C16orf87: variants seen among roughly 807,000 people sequenced by gnomAD.
C16orf87 encodes the protein UPF0547 protein C16orf87.
Under a neutral mutation model 21.0 loss-of-function variants are expected in C16orf87, and 13 were observed. The observed-to-expected ratio is 0.62, with a 90% CI of 0.40 to 0.98. C16orf87 has a LOEUF of 0.98. C16orf87 is among the 50% of genes least tolerant of loss of function. The pLI is 0.00. For missense variants in C16orf87, 113 were observed against 180.4 expected, an observed-to-expected ratio of 0.63 and a Z score of 2.14; for synonymous variants, 49 against 60.2, an observed-to-expected ratio of 0.81 and a Z score of 0.86.
rs368614294 is a variant in C16orf87 at position 46,825,937 on chromosome 16, A to G, written c.67-1455T>C. ...CTCAAAAAAAAAAAAAAAAAAAATT[A>G]TTATTAACTATAGTCCCCCTGTTGT... On this transcript the variant is annotated intron_variant, in intron 1 of 3. Transcript: ENST00000285697. Among the ~76,000 whole-genome samples, 62 of 150,592 alleles carry G rather than the reference A, an allele frequency of 4.1e-4. No homozygotes were observed. The East Asian group carries it at 5.1e-3, about 12-fold the overall frequency.
intron 1 of C16orf87, among the ~76,000 whole-genome samples, chr16:46,825,731 G>C (rs1052369747): frequency 6.6e-6 from 1 of 152,038 alleles, no homozygotes; most frequent in East Asian, 1.9e-4. Flanking sequence ...GACCAACATG[G>C]TGAAACCCCG....
intron 2 of C16orf87, among the ~76,000 whole-genome samples, chr16:46,810,470 A>G (rs773382450): frequency 3.3e-5 from 5 of 152,176 alleles, no homozygotes; most frequent in Non-Finnish European, 5.9e-5. Context: ...ATAAACTTAA[A>G]GAAAAAAACA....
Position 46,803,013 on chromosome 16 carries a change from A to T in C16orf87, c.404T>A (p.Val135Glu). Residue 135 changes from valine to glutamate, a missense_variant, in exon 4 of 4, where the codon GTG (valine) becomes GAG (glutamate). Val to Glu is a moderately radical substitution (Grantham distance 121). Transcript: ENST00000285697. Reference sequence around the variant, plus strand: ...TATTTCTGCCAAGGCGACTGAAAACACGAAAGCCTTTTCATCAGACAGGTT... The same window carrying T: ...TATTTCTGCCAAGGCGACTGAAAACTCGAAAGCCTTTTCATCAGACAGGTT... ...YANLSDEKAFVFSVALAEINR... is the reference protein window; with the variant it reads ...YANLSDEKAFEFSVALAEINR... The T allele has an allele frequency of 6.2e-7, 1 of 1,608,180 alleles. No individual in the cohort carries two copies. The highest frequency in any genetic ancestry group is 8.5e-7 in the Non-Finnish European group (1 of 1,175,842).
At position 46,817,898 on chromosome 16, in the gene C16orf87, A is replaced by G. The variant is rs141598317; in HGVS notation, c.163+6488T>C. Among the ~76,000 whole-genome samples the G allele has an allele frequency of 1.2e-4, 13 of 106,006 alleles. No homozygotes were observed. The East Asian group carries it at 3.8e-3, about 31-fold the overall frequency. The allele number at this position is 106,006 out of a possible 152,430, so 69.5% of individuals were successfully genotyped here. A position where few individuals can be genotyped will look rare whatever the true frequency, so the allele number is the denominator to read the frequency against. ...TACAGGCTCAGAGGTAAAGGTATGC[A>G]TTTTTTTCATCAAAAAGCAAAAAAA... On this transcript the variant is annotated intron_variant, in intron 2 of 3. Coordinates refer to ENST00000285697, the MANE Select transcript of C16orf87 (RefSeq NM_001001436.4).
intron 2 of C16orf87, among the ~76,000 whole-genome samples, chr16:46,819,700 C>T (rs1002277040): frequency 4.6e-5 from 7 of 151,964 alleles, no homozygotes; most frequent in Admixed American, 3.9e-4. Context: ...TTCCACCGGG[C>T]GCAGTGGCTC....
intron 3 of C16orf87, 102 bp from the exon 4 acceptor site, chr16:46,803,172 A>G (rs2143036073): frequency 1.7e-6 from 1 of 575,848 alleles, no homozygotes; most frequent in South Asian, 2.5e-5. Flanking sequence ...AGTATTATAT[A>G]TAATACTACA....
Position 46,831,176 on chromosome 16 carries a change from G to A in C16orf87, c.-27C>T. 1.3e-6 allele frequency: 2 copies of A among 1,545,722 alleles called. No homozygotes were observed. Among genetic ancestry groups the A allele is most frequent in the South Asian group, 2.3e-5 (2 of 85,364 alleles). On this transcript the variant is annotated 5_prime_UTR_variant, in exon 1 of 4. Coordinates refer to ENST00000285697, the MANE Select transcript of C16orf87 (RefSeq NM_001001436.4). ...CTCCTCTCCCTTAGCGGCGGCAGCA[G>A]CGACGGCTCGGGCTCCTCCCCTCAC...
chr16:46,806,666 A>G (rs868798108), intron 3 of C16orf87, among the ~76,000 whole-genome samples: 2 of 152,226 alleles, frequency 1.3e-5, no homozygotes, highest in Non-Finnish European at 2.9e-5. Flanking sequence ...TTATATATAA[A>G]ACGAAGACTT....
At chr16:46,804,625 T>G (rs1967871037) in intron 3 of C16orf87, among the ~76,000 whole-genome samples, 1 of 152,248 alleles carries the variant, frequency 6.6e-6, no homozygotes, top group Admixed American at 6.5e-5. Context: ...ATGATAAATT[T>G]ACATATAGTG....
At chr16:46,823,102 C>T (rs751566477) in intron 2 of C16orf87, among the ~76,000 whole-genome samples, 3 of 152,200 alleles carry the variant, frequency 2.0e-5, no homozygotes, top group African/African-American at 7.2e-5. Context: ...TGGCTAGCCC[C>T]TTCTATCCAC....
chr16:46,817,100 A>G (rs1567313095), intron 2 of C16orf87, among the ~76,000 whole-genome samples: 1 of 152,182 alleles, frequency 6.6e-6, no homozygotes, highest in Non-Finnish European at 1.5e-5. Flanking sequence ...ACATGATCCT[A>G]TAGGCATGCC....
chr16:46,831,126 T>G lies in C16orf87; in HGVS notation c.24A>C (p.Lys8Asn). 6.3e-7 allele frequency: 1 copy of G among 1,579,456 alleles called. No homozygotes were observed. Among genetic ancestry groups the G allele is most frequent in the Non-Finnish European group, 8.6e-7 (1 of 1,161,318 alleles). Residue 8 changes from lysine to asparagine, a missense_variant, in exon 1 of 4, where the codon AAA becomes AAC. Lys to Asn is a moderately conservative substitution (Grantham distance 94). Coordinates refer to ENST00000285697, the MANE Select transcript of C16orf87 (RefSeq NM_001001436.4). ...GGCATGATTTGGTGGCCATCTTCACTTTCTTGGCTCGAGTTGCAGACATGC... is the reference window on the plus strand; with the variant it reads ...GGCATGATTTGGTGGCCATCTTCACGTTCTTGGCTCGAGTTGCAGACATGC... MSATRAK[K>N]VKMATKSCPE...
intron 2 of C16orf87, among the ~76,000 whole-genome samples, chr16:46,821,260 G>A (rs1959403461): frequency 1.3e-5 from 2 of 152,168 alleles, no homozygotes; most frequent in Admixed American, 6.5e-5. Context: ...ACAAACAACA[G>A]TTGCTCATGG....
At chr16:46,829,338 T>C (rs1212584799) in intron 1 of C16orf87, among the ~76,000 whole-genome samples, 3 of 152,206 alleles carry the variant, frequency 2.0e-5, no homozygotes, top group Non-Finnish European at 4.4e-5. Flanking sequence ...AAAATGAATG[T>C]GATCTTTCCA....
chr16:46,817,880 T>G (rs1041206278), intron 2 of C16orf87, among the ~76,000 whole-genome samples: 39 of 113,934 alleles, frequency 3.4e-4, no homozygotes, highest in Non-Finnish European at 5.4e-4. Context: ...AAGTACAGGC[T>G]CAGAGGTAAA....
chr16:46,803,719 T>A (rs2143039213), intron 3 of C16orf87, among the ~76,000 whole-genome samples: 1 of 151,670 alleles, frequency 6.6e-6, no homozygotes, highest in African/African-American at 2.4e-5. Flanking sequence ...TTATAAAACT[T>A]GTTAAAAAAA....
chr16:46,828,391 A>G (rs1351170009), intron 1 of C16orf87, among the ~76,000 whole-genome samples: 1 of 152,202 alleles, frequency 6.6e-6, no homozygotes, highest in Non-Finnish European at 1.5e-5. Flanking sequence ...TTTTTTAAAA[A>G]TGAAGGCAAA....
chr16:46,803,938 G>A (rs993208343), intron 3 of C16orf87, among the ~76,000 whole-genome samples: 2 of 152,010 alleles, frequency 1.3e-5, no homozygotes, highest in Admixed American at 1.3e-4. Context: ...TGCATCTCTT[G>A]CCCCAATAAA....
intron 2 of C16orf87, among the ~76,000 whole-genome samples, chr16:46,811,586 TA>T (rs145976417): frequency 0.19 from 27,983 of 143,592 alleles, 3,119 homozygotes; most frequent in African/African-American, 0.31. Context: ...AGTAGTCTTG[TA>T]AAAAAAAAAA....
Sources: allele counts gnomAD v4.1 joint callset (sites outside exome capture counted in the v4.1 genomes callset), GRCh38; gene constraint gnomAD v4.1.1; transcripts MANE v1.5; gene names NCBI Gene and HGNC (gene_info 2026-07-23, HGNC 2026-07-21).